The following CLVS1 variants were observed in gnomAD, a reference collection of about 807,000 sequenced individuals.
CLVS1 encodes the protein clavesin 1, also known as clavesin-1.
CLVS1 carries 10 observed loss-of-function variants against 33.1 expected under a neutral mutation model. That is an observed-to-expected ratio of 0.30 (90% CI 0.19 to 0.51). The LOEUF (loss-of-function observed/expected upper bound fraction) is 0.51. Among genes scored for constraint, CLVS1 ranks in the 20% least tolerant of loss-of-function variants. The pLI, the probability that CLVS1 is intolerant of heterozygous loss-of-function variation, is 0.97. For synonymous variants in CLVS1, 163 were observed against 166.1 expected (o/e 0.98, Z 0.14); for missense variants, 343 against 433.4 (o/e 0.79, Z 1.85).
At chr8:61,283,129 TTC>T (rs1022666257), upstream of CLVS1, among the ~76,000 whole-genome samples, 2 of 152,228 alleles carry the variant, frequency 1.3e-5, no homozygotes, top group East Asian at 1.9e-4. Context: ...AATGAAAATA[TTC>T]TCTCTCCAAC....
chr8:61,283,698 C>T (rs1439457253), upstream of CLVS1, among the ~76,000 whole-genome samples: 2 of 152,150 alleles, frequency 1.3e-5, no homozygotes, highest in African/African-American at 2.4e-5. Flanking sequence ...AAGCATTGAA[C>T]CACTAGCCTG....
intron 2 of CLVS1, among the ~76,000 whole-genome samples, chr8:61,308,420 ACT>A (rs1810708877): frequency 1.3e-5 from 2 of 152,158 alleles, no homozygotes; most frequent in South Asian, 4.2e-4. Flanking sequence ...CTTCTGAAAG[ACT>A]GCAAGTGGGT....
chr8:61,115,462 G>T (rs1194498187), intron 1 of CLVS1, among the ~76,000 whole-genome samples: 2 of 151,606 alleles, frequency 1.3e-5, no homozygotes, highest in Non-Finnish European at 2.9e-5. Flanking sequence ...TGCCATGCTG[G>T]TGCACTGCAC....
intron 1 of CLVS1, among the ~76,000 whole-genome samples, chr8:61,093,960 A>G (rs1805300931): frequency 6.6e-6 from 1 of 152,170 alleles, no homozygotes. Context: ...ATCCCAGACA[A>G]TGTGCCTGGG....
At chr8:61,469,001 CTG>C (rs997478721) in intron 5 of CLVS1, among the ~76,000 whole-genome samples, 3 of 151,900 alleles carry the variant, frequency 2.0e-5, no homozygotes, top group Non-Finnish European at 2.9e-5. Flanking sequence ...GCCAAACAGT[CTG>C]AGGAAAAGCA....
At position 61,232,288 on chromosome 8, in the gene CLVS1, A is replaced by G. The variant is rs979345950; in HGVS notation, c.-151-67389A>G. On this transcript the variant is annotated intron_variant, in intron 2 of 2. Coordinates refer to the CLVS1 transcript ENST00000522621. ...CCTGACCTCGTGATCCGCCCGCCTC[A>G]GCCTCCCAAAGTGCTGGTATTACAG... Among the ~76,000 whole-genome samples, 4 of 152,034 alleles carry G rather than the reference A, an allele frequency of 2.6e-5. No homozygotes were observed. In the South Asian group the frequency reaches 8.3e-4, roughly 32 times the overall value.
At chr8:61,378,698 A>G (rs1355890405) in intron 3 of CLVS1, among the ~76,000 whole-genome samples, 1 of 152,180 alleles carries the variant, frequency 6.6e-6, no homozygotes, top group South Asian at 2.1e-4. Flanking sequence ...CTGAGGAAGC[A>G]CTCAGGGCTA....
At chr8:61,480,992 A>G (rs1027883189) in intron 5 of CLVS1, among the ~76,000 whole-genome samples, 3 of 152,168 alleles carry the variant, frequency 2.0e-5, no homozygotes, top group Non-Finnish European at 2.9e-5. Flanking sequence ...ATTTGATTAA[A>G]GGAGCTCAGT....
intron 2 of CLVS1, among the ~76,000 whole-genome samples, chr8:61,356,172 G>A (rs948177712): frequency 3.7e-4 from 57 of 152,018 alleles, no homozygotes; most frequent in African/African-American, 1.4e-3. Flanking sequence ...CAGTGATGAT[G>A]AGCATTTTTT....
intron 2 of CLVS1, among the ~76,000 whole-genome samples, chr8:61,357,359 G>T (rs74919360): frequency 3.2e-4 from 49 of 152,154 alleles, no homozygotes; most frequent in African/African-American, 1.1e-3. Flanking sequence ...CATATGCATA[G>T]AGGATAGATA....
chr8:60,981,413 A>C, the CLVS1 span, among the ~76,000 whole-genome samples: 5 of 152,248 alleles, frequency 3.3e-5, no homozygotes, highest in Non-Finnish European at 5.9e-5. Flanking sequence ...TTTGTGAAAG[A>C]TATCAGCATG....
chr8:61,185,172 CT>C (rs2129301459), intron 2 of CLVS1, among the ~76,000 whole-genome samples: 1 of 148,360 alleles, frequency 6.7e-6, no homozygotes, highest in South Asian at 2.1e-4. Flanking sequence ...GTGACAAGAT[CT>C]TGCTCCATCA....
At chr8:61,003,265 T>C in the CLVS1 span, among the ~76,000 whole-genome samples, 3 of 152,202 alleles carry the variant, frequency 2.0e-5, no homozygotes, top group African/African-American at 7.2e-5. Context: ...ATAGGAATTA[T>C]GTTTTTTGAC....
intron 5 of CLVS1, among the ~76,000 whole-genome samples, chr8:61,476,152 C>A (rs1330079249): frequency 6.6e-6 from 1 of 152,146 alleles, no homozygotes; most frequent in Non-Finnish European, 1.5e-5. Context: ...TTCCATTGAT[C>A]TATATCTCTG....
intron 2 of CLVS1, among the ~76,000 whole-genome samples, chr8:61,282,094 A>T (rs1369314293): frequency 1.3e-5 from 2 of 152,248 alleles, no homozygotes; most frequent in South Asian, 2.1e-4. Context: ...TAGCAATGGG[A>T]GGCCTATTAT....
intron 3 of CLVS1, among the ~76,000 whole-genome samples, chr8:61,425,535 C>G (rs1022249474): frequency 1.3e-5 from 2 of 152,152 alleles, no homozygotes; most frequent in African/African-American, 2.4e-5. Context: ...GTATTGCAAC[C>G]ATTACCACTA....
At chr8:61,033,051 G>GAA in the CLVS1 span, among the ~76,000 whole-genome samples, 1 of 87,614 alleles carries the variant, frequency 1.1e-5, no homozygotes, top group African/African-American at 3.9e-5. Context: ...GAAAGAAAAA[G>GAA]AAAGAAAGAT....
chr8:61,256,682 C>G (rs1400017449), intron 2 of CLVS1, among the ~76,000 whole-genome samples: 1 of 151,746 alleles, frequency 6.6e-6, no homozygotes, highest in African/African-American at 2.4e-5. Context: ...CTAACCTACT[C>G]TTTATAGGAA....
At chr8:61,470,069 C>T (rs981765055) in intron 5 of CLVS1, among the ~76,000 whole-genome samples, 2 of 152,200 alleles carry the variant, frequency 1.3e-5, no homozygotes, top group Admixed American at 1.3e-4. Context: ...AATTTGTTAA[C>T]ATTTCTTAAA....
Sources: allele counts gnomAD v4.1 joint callset (sites outside exome capture counted in the v4.1 genomes callset), GRCh38; gene constraint gnomAD v4.1.1; transcripts MANE v1.5; gene names NCBI Gene and HGNC (gene_info 2026-07-23, HGNC 2026-07-21).